ANKFN1: variants seen among roughly 807,000 people sequenced by gnomAD.
ANKFN1 encodes the protein ankyrin repeat and fibronectin type-III domain-containing protein 1.
In ANKFN1, 74 loss-of-function variants were observed where a neutral mutation model predicts 108.7. The observed-to-expected ratio is 0.68, with a 90% confidence interval of 0.56 to 0.83. The LOEUF (loss-of-function observed/expected upper bound fraction) is 0.83, where lower values mean the gene tolerates loss of function less well. ANKFN1 is among the 40% of genes least tolerant of loss of function. The pLI is 0.00. For synonymous variants in ANKFN1, 547 were observed against 516.2 expected (o/e 1.06, Z -0.81); for missense variants, 1,505 against 1,382.3 (o/e 1.09, Z -1.41).
chr17:56,360,327 C>T (rs2046484547), intron 6 of ANKFN1, among the ~76,000 whole-genome samples: 1 of 152,166 alleles, frequency 6.6e-6, no homozygotes, highest in East Asian at 1.9e-4. Context: ...TAATCTTGTT[C>T]ATTACATGGC....
chr17:56,438,569 T>A (rs1950939603), intron 8 of ANKFN1, among the ~76,000 whole-genome samples: 1 of 152,256 alleles, frequency 6.6e-6, no homozygotes, highest in African/African-American at 2.4e-5. Flanking sequence ...GTAAAAGGAT[T>A]TTTTTTCTTG....
chr17:56,426,339 C>T (rs753241803), intron 8 of ANKFN1, among the ~76,000 whole-genome samples: 1 of 152,348 alleles, frequency 6.6e-6, no homozygotes, highest in South Asian at 2.1e-4. Context: ...TCCTGTTCAA[C>T]TGTCAATGTG....
At chr17:56,175,140 G>C (rs770762458) in intron 1 of ANKFN1, among the ~76,000 whole-genome samples, 3 of 152,086 alleles carry the variant, frequency 2.0e-5, no homozygotes, top group African/African-American at 7.2e-5. Context: ...ATGTCTGCAG[G>C]ATTTTACTTA....
intron 8 of ANKFN1, among the ~76,000 whole-genome samples, chr17:56,376,830 G>T (rs2144790681): frequency 6.6e-6 from 1 of 152,278 alleles, no homozygotes; most frequent in Admixed American, 6.5e-5. Flanking sequence ...AGGTTTCCTT[G>T]TGTTAATTTA....
chr17:56,272,670 T>A (rs1184823001), intron 3 of ANKFN1, among the ~76,000 whole-genome samples: 3 of 152,242 alleles, frequency 2.0e-5, no homozygotes, highest in Non-Finnish European at 4.4e-5. Flanking sequence ...TCAATTCTTT[T>A]GAGGGTATAT....
At chr17:56,064,845 C>T (rs529690898) in intron 4 of ANKFN1, among the ~76,000 whole-genome samples, 10 of 152,194 alleles carry the variant, frequency 6.6e-5, no homozygotes, top group South Asian at 4.1e-4. Context: ...TGCTAGGCCC[C>T]GGTGGTGTGG....
chr17:56,099,791 T>C (rs1287327301), intron 4 of ANKFN1, among the ~76,000 whole-genome samples: 1 of 151,964 alleles, frequency 6.6e-6, no homozygotes, highest in Non-Finnish European at 1.5e-5. Context: ...ATGATGGAGG[T>C]GGAAACTGTT....
intron 4 of ANKFN1, among the ~76,000 whole-genome samples, chr17:56,117,253 T>G (rs1232806588): frequency 3.3e-5 from 5 of 152,170 alleles, no homozygotes; most frequent in Admixed American, 3.3e-4. Context: ...TTTGTTGAAT[T>G]TTCTATGAAT....
At chr17:56,345,875 G>A (rs974317013) in intron 4 of ANKFN1, among the ~76,000 whole-genome samples, 26 of 151,520 alleles carry the variant, frequency 1.7e-4, no homozygotes, top group African/African-American at 4.8e-4. Context: ...TTTGCTGTGC[G>A]GAAGCTCTTT....
At chr17:56,328,482 T>C (rs1270978547) in intron 4 of ANKFN1, among the ~76,000 whole-genome samples, 1 of 152,218 alleles carries the variant, frequency 6.6e-6, no homozygotes, top group Non-Finnish European at 1.5e-5. Context: ...TAAATGAATG[T>C]ATTAAATTGT....
intron 14 of ANKFN1, among the ~76,000 whole-genome samples, chr17:56,458,610 G>C (rs1360866019): frequency 2.0e-5 from 3 of 152,114 alleles, no homozygotes; most frequent in Admixed American, 6.5e-5. Context: ...CCTAGAAGTA[G>C]CATTAAATTC....
At chr17:56,465,589 G>A (rs1381985359) in intron 14 of ANKFN1, among the ~76,000 whole-genome samples, 1 of 152,078 alleles carries the variant, frequency 6.6e-6, no homozygotes, top group Non-Finnish European at 1.5e-5. Context: ...AAGCTAGAGG[G>A]GATTTTATCC....
At chr17:56,264,081 C>T (rs1567871892) in intron 3 of ANKFN1, among the ~76,000 whole-genome samples, 1 of 152,176 alleles carries the variant, frequency 6.6e-6, no homozygotes, top group South Asian at 2.1e-4. Context: ...AACATAGAGA[C>T]CCAAGTTCCT....
chr17:56,174,487 T>A (rs986683), intron 1 of ANKFN1: 73,855 of 876,216 alleles, frequency 0.084, 5,909 homozygotes, highest in African/African-American at 0.37. Flanking sequence ...TTACTTGTGC[T>A]CCCCCTCCAT....
chr17:56,168,686 T>C (rs1447610827), intron 1 of ANKFN1, among the ~76,000 whole-genome samples: 2 of 152,242 alleles, frequency 1.3e-5, no homozygotes, highest in East Asian at 3.8e-4. Context: ...AGTTCGTTTG[T>C]TTTCACAAAC....
chr17:56,508,360 T>A (rs2051637389), intron 20 of ANKFN1, among the ~76,000 whole-genome samples: 1 of 152,090 alleles, frequency 6.6e-6, no homozygotes, highest in African/African-American at 2.4e-5. Flanking sequence ...TTTTAAAAAT[T>A]AAATGCTGTT....
intron 4 of ANKFN1, among the ~76,000 whole-genome samples, chr17:56,329,506 C>T (rs1441176032): frequency 2.0e-5 from 3 of 152,152 alleles, no homozygotes; most frequent in Non-Finnish European, 2.9e-5. Flanking sequence ...TCATCACTCA[C>T]CCCTCTGTGC....
chr17:56,134,088 T>G (rs530124508), intron 4 of ANKFN1, among the ~76,000 whole-genome samples: 1 of 152,300 alleles, frequency 6.6e-6, no homozygotes, highest in East Asian at 1.9e-4. Flanking sequence ...ACTTCCTTCT[T>G]GGGTTTAAGA....
chr17:56,204,765 A>T (rs964693189), intron 1 of ANKFN1, among the ~76,000 whole-genome samples: 1 of 152,110 alleles, frequency 6.6e-6, no homozygotes, highest in African/African-American at 2.4e-5. Context: ...CCGTAATCCC[A>T]GCACCACTGG....
Sources: gnomAD v4.1 joint callset for allele counts (sites outside exome capture counted in the v4.1 genomes callset) on GRCh38, gnomAD v4.1.1 for gene constraint, MANE v1.5 for transcripts, NCBI Gene and HGNC (gene_info 2026-07-23, HGNC 2026-07-21) for gene names.